The following ANO10 variants were observed in gnomAD, a reference collection of about 807,000 sequenced individuals.
The protein encoded by ANO10 is anoctamin 10.
A neutral mutation model predicts 74.7 loss-of-function variants in ANO10; 77 were observed. The observed-to-expected ratio is 1.03, with a 90% CI of 0.86 to 1.25. The LOEUF is 1.25. Among genes scored for constraint, ANO10 ranks in the 50% most tolerant of loss-of-function variants. ANO10 has a pLI of 0.00. For missense variants in ANO10, 721 were observed against 778.1 expected, an observed-to-expected ratio of 0.93 and a Z score of 0.87; for synonymous variants, 279 against 284.9, an observed-to-expected ratio of 0.98 and a Z score of 0.21.
chr3:43,522,301 T>C (rs1342636453), intron 11 of ANO10, among the ~76,000 whole-genome samples: 3 of 152,172 alleles, frequency 2.0e-5, no homozygotes, highest in Non-Finnish European at 4.4e-5. Context: ...GCAAATTATG[T>C]TATTATATTT....
At chr3:43,426,012 C>A (rs1032375908) in intron 12 of ANO10, among the ~76,000 whole-genome samples, 1 of 152,180 alleles carries the variant, frequency 6.6e-6, no homozygotes, top group Non-Finnish European at 1.5e-5. Flanking sequence ...TTAACTCAGG[C>A]ATTTCCTTCT....
chr3:43,566,569 G>C (rs2080360803), intron 7 of ANO10, among the ~76,000 whole-genome samples: 1 of 152,212 alleles, frequency 6.6e-6, no homozygotes, highest in Admixed American at 6.5e-5. Context: ...CCCCCCAGCA[G>C]GGGTACACTG....
At chr3:43,535,970 A>G (rs983119554) in intron 11 of ANO10, among the ~76,000 whole-genome samples, 2 of 152,178 alleles carry the variant, frequency 1.3e-5, no homozygotes, top group Admixed American at 6.5e-5. Flanking sequence ...AAACTATAAG[A>G]TAAGTACTGA....
chr3:43,691,046 G>A, intron 1 of ANO10: 1 of 1,552,236 alleles, frequency 6.4e-7, no homozygotes, highest in Non-Finnish European at 8.7e-7. Flanking sequence ...AGAGGTAAGC[G>A]CAGCCGGCAG....
chr3:43,445,725 C>T (rs1302191104), intron 11 of ANO10, among the ~76,000 whole-genome samples: 3 of 151,774 alleles, frequency 2.0e-5, no homozygotes, highest in Non-Finnish European at 2.9e-5. Context: ...GTTTTTGAGA[C>T]GGGGTCTCAC....
chr3:43,667,081 T>G (rs972800601), intron 1 of ANO10, among the ~76,000 whole-genome samples: 16 of 134,298 alleles, frequency 1.2e-4, no homozygotes, highest in Non-Finnish European at 1.9e-4. Flanking sequence ...TGTTTTTTTT[T>G]TTTTTTTTTT....
chr3:43,563,555 G>A (rs186990916), intron 8 of ANO10, among the ~76,000 whole-genome samples: 66 of 151,802 alleles, frequency 4.3e-4, no homozygotes, highest in African/African-American at 1.6e-3. Flanking sequence ...GCACCCCCAT[G>A]TTTACTGCAG....
At chr3:43,460,216 A>G (rs1304853742) in intron 11 of ANO10, among the ~76,000 whole-genome samples, 1 of 152,214 alleles carries the variant, frequency 6.6e-6, no homozygotes, top group Non-Finnish European at 1.5e-5. Flanking sequence ...AGATGGAGGC[A>G]GGCTTTGGCT....
intron 11 of ANO10, among the ~76,000 whole-genome samples, chr3:43,438,666 G>GA (rs1198215915): frequency 3.9e-5 from 6 of 152,082 alleles, no homozygotes; most frequent in African/African-American, 1.4e-4. Flanking sequence ...AGAATTGCTT[G>GA]AATCCAGGAG....
chr3:43,509,298 C>T (rs2077422068), intron 11 of ANO10, among the ~76,000 whole-genome samples: 2 of 151,920 alleles, frequency 1.3e-5, no homozygotes, highest in Admixed American at 1.3e-4. Context: ...AGCACACCAA[C>T]ATGGCACATG....
At chr3:43,506,669 C>T (rs543155804) in intron 11 of ANO10, among the ~76,000 whole-genome samples, 1 of 152,324 alleles carries the variant, frequency 6.6e-6, no homozygotes, top group South Asian at 2.1e-4. Flanking sequence ...AGGCCCACCC[C>T]TGGGCCTTTA....
chr3:43,545,535 T>A (rs1055590433), intron 11 of ANO10, among the ~76,000 whole-genome samples: 5 of 152,084 alleles, frequency 3.3e-5, no homozygotes, highest in Admixed American at 6.5e-5. Context: ...CCGGCTAATT[T>A]TTGTATTTTT....
chr3:43,444,177 T>A (rs1420893591), intron 11 of ANO10, among the ~76,000 whole-genome samples: 1 of 152,196 alleles, frequency 6.6e-6, no homozygotes, highest in Non-Finnish European at 1.5e-5. Flanking sequence ...GGACACTGAA[T>A]GATGGGGTTG....
intron 11 of ANO10, among the ~76,000 whole-genome samples, chr3:43,473,689 A>T (rs1237318628): frequency 6.6e-6 from 1 of 152,230 alleles, no homozygotes; most frequent in African/African-American, 2.4e-5. Flanking sequence ...CAACCTCAGC[A>T]CTGCTGACAT....
intron 11 of ANO10, among the ~76,000 whole-genome samples, chr3:43,475,766 G>GT (rs1183212903): frequency 1.3e-5 from 2 of 151,756 alleles, no homozygotes; most frequent in African/African-American, 4.8e-5. Flanking sequence ...ACCTGGCAAA[G>GT]TTTTTTTTAT....
chr3:43,605,903 T>C, intron 1 of ANO10, 40 bp from the exon 2 acceptor site: 10 of 1,603,220 alleles, frequency 6.2e-6, no homozygotes, highest in East Asian at 2.2e-5. Context: ...TGGGTTGTTA[T>C]TATGGCAAAG....
At chr3:43,447,576 A>C (rs1439588033) in intron 11 of ANO10, among the ~76,000 whole-genome samples, 1 of 152,238 alleles carries the variant, frequency 6.6e-6, no homozygotes, top group African/African-American at 2.4e-5. Flanking sequence ...AAAGGGAAGA[A>C]AGAAGAAGAA....
rs891484734 is a variant in ANO10, at chr3:43,600,780, T to G, written c.140-199A>C. 5.9e-5 allele frequency among the ~76,000 whole-genome samples: 9 copies of G among 152,290 alleles called. No individual in the cohort carries two copies. The East Asian group carries it at 1.2e-3, about 20-fold the overall frequency. On this transcript the variant is annotated intron_variant, in intron 2 of 12. Coordinates refer to ENST00000292246, the MANE Select transcript of ANO10 (RefSeq NM_018075.5). ...ATAGTTTTTCAATAAATGGAAAAAC[T>G]GAAAAATGTACCACTAAGTAGCCTG...
chr3:43,570,416 C>T (rs1259638027), intron 7 of ANO10, among the ~76,000 whole-genome samples: 1 of 151,476 alleles, frequency 6.6e-6, no homozygotes. Flanking sequence ...AGGCATCACA[C>T]TACCTGACTT....
Sources: allele counts gnomAD v4.1 joint callset (sites outside exome capture counted in the v4.1 genomes callset), GRCh38; gene constraint gnomAD v4.1.1; transcripts MANE v1.5; gene names NCBI Gene and HGNC (gene_info 2026-07-23, HGNC 2026-07-21).